STAU2: variants seen among roughly 807,000 people sequenced by gnomAD.
STAU2 encodes staufen double-stranded RNA binding protein 2.
In STAU2, 20 loss-of-function variants were observed where a neutral mutation model predicts 65.9. That is an observed-to-expected ratio of 0.30 (90% CI 0.21 to 0.44). The LOEUF (loss-of-function observed/expected upper bound fraction) is 0.44. STAU2 is among the 20% of genes least tolerant of loss of function. STAU2 has a pLI of 1.00. For missense variants in STAU2, 558 were observed against 683.9 expected (o/e 0.82, Z 2.05); for synonymous variants, 232 against 233.9 (o/e 0.99, Z 0.07).
Position 73,644,358 on chromosome 8 carries a change from T to A in STAU2, c.411-26907A>T, listed in dbSNP as rs151079213. 1.4e-3 allele frequency among the ~76,000 whole-genome samples: 213 copies of A among 151,874 alleles called. 1 individual carries two copies. In the East Asian group the frequency reaches 0.025, roughly 18 times the overall value. ...CACTCAGGAGGCTGAAGCAGAAGGA[T>A]CACTTGAGCCCAGGAGTTTGGGGCT... On this transcript the variant is annotated intron_variant, in intron 6 of 14. Coordinates refer to ENST00000524300, the MANE Select transcript of STAU2 (RefSeq NM_001164380.2).
intron 13 of STAU2, 197 bp downstream of exon 13, chr8:73,551,808 GAATTACT>G: frequency 8.2e-7 from 1 of 1,226,380 alleles, no homozygotes; most frequent in Non-Finnish European, 1.0e-6. Context: ...GGCAGCAAAA[GAATTACT>G]AGATAGATCA....
rs1816368642 is a variant in STAU2 at position 73,421,457 on chromosome 8, T to C, written c.1628A>G (p.Lys543Arg). The part of the protein sequence containing the change: ...IEKGSLEKQA[K>R]HLREKADNNQ... ...ATTGTCCGCTTTCTCTCTCAGATGC[T>C]TGGCTTGTCTGAAAGATTAATACAT... Residue 543 changes from lysine to arginine, a missense_variant, in exon 15 of 15, where the codon AAG (lysine) becomes AGG (arginine). Physicochemically the swap from Lys to Arg is conservative, Grantham distance 26 (BLOSUM62 2). Around this residue, in one of 3 missense-constraint regions of STAU2, gnomAD observed 247 missense variants for 270.1 expected, o/e 0.91. Coordinates refer to ENST00000524300, the MANE Select transcript of STAU2 (RefSeq NM_001164380.2). 6.5e-7 allele frequency: 1 copy of C among 1,537,140 alleles called. No individual in the cohort carries two copies. The highest frequency in any genetic ancestry group is 1.4e-5 in the African/African-American group (1 of 73,044).
chr8:73,522,962 C>T (rs908581467), intron 13 of STAU2, among the ~76,000 whole-genome samples: 1 of 151,978 alleles, frequency 6.6e-6, no homozygotes, highest in Non-Finnish European at 1.5e-5. Flanking sequence ...CTTTGGGAGG[C>T]CAAGGCGCAC....
At chr8:73,551,000 GT>G in intron 13 of STAU2, 1 of 986,282 alleles carries the variant, frequency 1.0e-6, no homozygotes, top group South Asian at 4.7e-5. Context: ...GGATATTACA[GT>G]TTTTGGTCTT....
rs1157510263 is a variant in STAU2 at position 73,715,082 on chromosome 8, C to CAA, written c.-17-5922_-17-5921dup. Among the ~76,000 whole-genome samples, 102 of 83,796 alleles carry CAA rather than the reference C, an allele frequency of 1.2e-3. 3 individuals carry two copies. In the South Asian group the frequency reaches 0.028, roughly 23 times the overall value. 55.0% of individuals were successfully genotyped at this position (83,796 alleles called of 152,430 possible). ...TAAGCAACAGAGCGAGACTCCGTCT[C>CAA]AAAAAAAAAAAAAAAAGTGAAGACA... On this transcript the variant is annotated intron_variant, in intron 3 of 14. Coordinates refer to ENST00000524300, the MANE Select transcript of STAU2 (RefSeq NM_001164380.2).
chr8:73,438,840 G>A (rs1817906844), intron 13 of STAU2: 1 of 413,492 alleles, frequency 2.4e-6, no homozygotes, highest in Admixed American at 2.7e-5. Flanking sequence ...TTTGCAACGT[G>A]AGAAGGGCTA....
chr8:73,520,543 T>C (rs1052439887), intron 13 of STAU2, among the ~76,000 whole-genome samples: 5 of 152,168 alleles, frequency 3.3e-5, no homozygotes, highest in African/African-American at 1.2e-4. Flanking sequence ...CCCAAGCATT[T>C]AAACCAGAAG....
chr8:73,538,825 T>G (rs971272409), intron 13 of STAU2, among the ~76,000 whole-genome samples: 1 of 152,122 alleles, frequency 6.6e-6, no homozygotes, highest in Non-Finnish European at 1.5e-5. Flanking sequence ...AAATCCAAAT[T>G]GGTAGCAAAT....
At chr8:73,555,085 A>C (rs779292194) in intron 12 of STAU2, among the ~76,000 whole-genome samples, 3 of 152,202 alleles carry the variant, frequency 2.0e-5, no homozygotes, top group Non-Finnish European at 2.9e-5. Context: ...GAGGAACGAA[A>C]ATGGATAATA....
chr8:73,747,147 G>A (rs1586408469), upstream of STAU2, among the ~76,000 whole-genome samples: 3 of 151,972 alleles, frequency 2.0e-5, no homozygotes, highest in South Asian at 6.2e-4. Flanking sequence ...GCGGCGGCGA[G>A]CTGGGCCCCT....
At chr8:73,717,400 G>C (rs1210957909) in intron 3 of STAU2, among the ~76,000 whole-genome samples, 1 of 151,994 alleles carries the variant, frequency 6.6e-6, no homozygotes, top group Non-Finnish European at 1.5e-5. Context: ...ATAGTTTTAG[G>C]TTTTACATTT....
intron 13 of STAU2, among the ~76,000 whole-genome samples, chr8:73,495,611 T>C (rs896175775): frequency 2.0e-5 from 3 of 147,142 alleles, no homozygotes; most frequent in African/African-American, 7.6e-5. Flanking sequence ...TTTAACTATA[T>C]GGTCCCTTAC....
chr8:73,609,563 A>C (rs1254924714), intron 9 of STAU2, among the ~76,000 whole-genome samples: 1 of 152,082 alleles, frequency 6.6e-6, no homozygotes, highest in Non-Finnish European at 1.5e-5. Flanking sequence ...CTGAGGCAGG[A>C]GAATCGATTG....
intron 14 of STAU2, among the ~76,000 whole-genome samples, chr8:73,422,130 C>G (rs1816426421): frequency 6.6e-6 from 1 of 152,116 alleles, no homozygotes; most frequent in Non-Finnish European, 1.5e-5. Context: ...CACTTTGTGG[C>G]AATGTGTGCT....
chr8:73,696,627 A>T (rs1470814877), intron 4 of STAU2, among the ~76,000 whole-genome samples: 1 of 152,214 alleles, frequency 6.6e-6, no homozygotes, highest in African/African-American at 2.4e-5. Flanking sequence ...TCTTAACAAC[A>T]GAAATGATTA....
chr8:73,475,834 C>T (rs1374217934), intron 13 of STAU2, among the ~76,000 whole-genome samples: 1 of 152,212 alleles, frequency 6.6e-6, no homozygotes, highest in African/African-American at 2.4e-5. Context: ...GGTTCCCTAA[C>T]TGCTAAACCA....
intron 4 of STAU2, among the ~76,000 whole-genome samples, chr8:73,707,208 T>C (rs1303638334): frequency 2.6e-5 from 4 of 152,116 alleles, no homozygotes. Context: ...TAAAGAGCTA[T>C]GTGAGGATTG....
chr8:73,612,487 A>G (rs1394377473), intron 9 of STAU2, among the ~76,000 whole-genome samples: 3 of 152,264 alleles, frequency 2.0e-5, no homozygotes, highest in South Asian at 2.1e-4. Flanking sequence ...CATATGAATG[A>G]AAGTGCCAGT....
intron 13 of STAU2, among the ~76,000 whole-genome samples, chr8:73,502,999 T>C (rs548690050): frequency 5.5e-4 from 83 of 152,236 alleles, no homozygotes; most frequent in African/African-American, 2.0e-3. Flanking sequence ...TGCTACTGCC[T>C]GCAATCTCCT....
Sources: allele counts gnomAD v4.1 joint callset (sites outside exome capture counted in the v4.1 genomes callset), GRCh38; gene constraint gnomAD v4.1.1; regional missense constraint gnomAD v4.1.1; transcripts MANE v1.5; gene names NCBI Gene and HGNC (gene_info 2026-07-23, HGNC 2026-07-21).